The following COG5 variants were observed in gnomAD, a reference collection of about 807,000 sequenced individuals.
COG5 encodes the protein component of oligomeric golgi complex 5.
COG5 carries 86 observed loss-of-function variants against 110.4 expected under a neutral mutation model. The observed-to-expected ratio is 0.78, with a 90% confidence interval of 0.65 to 0.93. COG5 has a LOEUF of 0.93. Among genes scored for constraint, COG5 ranks in the 40% least tolerant of loss-of-function variants. The pLI, the probability that COG5 is intolerant of heterozygous loss-of-function variation, is 0.00. For synonymous variants in COG5, 360 were observed against 334.6 expected (o/e 1.08, Z -0.83); for missense variants, 1,077 against 987.0 (o/e 1.09, Z -1.22).
chr7:107,294,655 T>C (rs892115932), intron 12 of COG5, among the ~76,000 whole-genome samples: 1 of 151,520 alleles, frequency 6.6e-6, no homozygotes, highest in Non-Finnish European at 1.5e-5. Flanking sequence ...TCATTCACTA[T>C]GTTCCAGCTG....
Position 107,446,315 on chromosome 7 carries a change from G to A in COG5, c.539-33683C>T, listed in dbSNP as rs1227596584. On this transcript the variant is annotated intron_variant, in intron 6 of 21. Coordinates refer to ENST00000297135, the MANE Select transcript of COG5 (RefSeq NM_006348.5). ...TTTCAATTTTGAATGAATAACTGGA[G>A]TTTTAGAGAGGCTAAATAACTTGCT... Among the ~76,000 whole-genome samples, 4 of 152,282 alleles carry A rather than the reference G, an allele frequency of 2.6e-5. No homozygotes were observed. In the East Asian group the frequency reaches 5.8e-4, roughly 22 times the overall value.
At chr7:107,217,164 T>C (rs528052830) in intron 19 of COG5, among the ~76,000 whole-genome samples, 2 of 151,986 alleles carry the variant, frequency 1.3e-5, no homozygotes, top group South Asian at 4.2e-4. Flanking sequence ...CTACTAACAC[T>C]GAATCAAGAA....
chr7:107,220,038 G>A (rs1357715219), intron 19 of COG5, among the ~76,000 whole-genome samples: 1 of 152,156 alleles, frequency 6.6e-6, no homozygotes, highest in African/African-American at 2.4e-5. Context: ...GAGGCATAGA[G>A]AAATCCAGTA....
chr7:107,362,040 A>G lies in COG5; in HGVS notation c.1019T>C (p.Ile340Thr). The G allele has an allele frequency of 6.3e-7, 1 of 1,596,908 alleles. No individual in the cohort carries two copies. Among genetic ancestry groups the G allele is most frequent in the Non-Finnish European group, 8.6e-7 (1 of 1,165,900 alleles). Residue 340 changes from isoleucine (I) to threonine (T), a missense_variant, in exon 10 of 22, where the codon ATA (isoleucine) becomes ACA (threonine). Coordinates refer to ENST00000297135, the MANE Select transcript of COG5 (RefSeq NM_006348.5). ...PVSHICFIEE[I>T]VKDGQPEIFY... Reference sequence around the variant, plus strand: ...ATTTTCCTTTAAACATACCTTAACTATTTCTTCAATGAAACAAATGTGAGA... The same window carrying G: ...ATTTTCCTTTAAACATACCTTAACTGTTTCTTCAATGAAACAAATGTGAGA...
intron 6 of COG5, among the ~76,000 whole-genome samples, chr7:107,431,875 A>G (rs940740241): frequency 6.6e-6 from 1 of 152,066 alleles, no homozygotes; most frequent in African/African-American, 2.4e-5. Flanking sequence ...AGGCTGGTCT[A>G]GAACTCCTGA....
intron 6 of COG5, chr7:107,472,348 T>C (rs906473065): frequency 2.0e-5 from 3 of 152,026 alleles, no homozygotes; most frequent in Non-Finnish European, 4.4e-5. Flanking sequence ...TGTATCAATT[T>C]GCCAAAAACT....
chr7:107,400,695 A>C (rs1228039137), intron 7 of COG5, among the ~76,000 whole-genome samples: 2 of 152,178 alleles, frequency 1.3e-5, no homozygotes, highest in African/African-American at 4.8e-5. Context: ...AAATACCCTA[A>C]GTCTAAAAGC....
intron 6 of COG5, among the ~76,000 whole-genome samples, chr7:107,514,363 C>CACACAG (rs1799769494): frequency 7.2e-6 from 1 of 138,482 alleles, no homozygotes; most frequent in South Asian, 2.2e-4. Flanking sequence ...CACACACACA[C>CACACAG]ACACACATAT....
chr7:107,215,723 CTTCT>C (rs1799479464), intron 19 of COG5, among the ~76,000 whole-genome samples: 1 of 143,112 alleles, frequency 7.0e-6, no homozygotes, highest in Non-Finnish European at 1.6e-5. Flanking sequence ...AGTCAACTCA[CTTCT>C]TTTTTTTTTT....
intron 19 of COG5, among the ~76,000 whole-genome samples, chr7:107,225,330 G>C (rs1461128162): frequency 6.6e-6 from 1 of 151,278 alleles, no homozygotes; most frequent in African/African-American, 2.4e-5. Flanking sequence ...TTTTCAAATG[G>C]GAAAAACAAT....
intron 10 of COG5, among the ~76,000 whole-genome samples, chr7:107,335,273 C>T (rs978899437): frequency 4.6e-5 from 7 of 152,148 alleles, no homozygotes; most frequent in African/African-American, 1.7e-4. Flanking sequence ...ACCTGTAATC[C>T]CAGCTACTCA....
intron 13 of COG5, among the ~76,000 whole-genome samples, chr7:107,282,713 C>G (rs3779498): frequency 0.16 from 24,386 of 151,776 alleles, 2,353 homozygotes; most frequent in Non-Finnish European, 0.22. Context: ...GTAGAGATGG[C>G]GTTTCACCAG....
intron 8 of COG5, among the ~76,000 whole-genome samples, chr7:107,368,516 A>T (rs1383820510): frequency 7.9e-5 from 12 of 152,172 alleles, no homozygotes; most frequent in Non-Finnish European, 1.0e-4. Context: ...TTAGCCTAGG[A>T]AGTGTTCACC....
intron 6 of COG5, among the ~76,000 whole-genome samples, chr7:107,457,316 G>C (rs73417453): frequency 0.028 from 3,793 of 136,896 alleles, 173 homozygotes; most frequent in African/African-American, 0.096. Context: ...GATGAAACAG[G>C]AACCAGAGCA....
intron 7 of COG5, among the ~76,000 whole-genome samples, chr7:107,387,623 G>A (rs1041950214): frequency 4.6e-5 from 7 of 152,196 alleles, no homozygotes; most frequent in African/African-American, 1.4e-4. Flanking sequence ...AGTAACCTCT[G>A]AAGGGAAATT....
At chr7:107,304,436 C>T (rs998973644) in intron 11 of COG5, among the ~76,000 whole-genome samples, 2 of 152,094 alleles carry the variant, frequency 1.3e-5, no homozygotes, top group African/African-American at 4.8e-5. Flanking sequence ...GTTTCTTTTA[C>T]CTAGATTTAA....
intron 10 of COG5, among the ~76,000 whole-genome samples, chr7:107,349,018 T>C (rs943384293): frequency 1.3e-5 from 2 of 152,180 alleles, no homozygotes; most frequent in Non-Finnish European, 2.9e-5. Context: ...TGTACCAACA[T>C]GCCTGGCTCT....
chr7:107,413,942 T>A (rs1482220763), intron 6 of COG5, among the ~76,000 whole-genome samples: 5 of 152,214 alleles, frequency 3.3e-5, no homozygotes, highest in Non-Finnish European at 7.3e-5. Context: ...ACTTGGCTAG[T>A]AACCGGTAAA....
intron 6 of COG5, among the ~76,000 whole-genome samples, chr7:107,506,748 C>T (rs1018239296): frequency 5.9e-5 from 9 of 152,130 alleles, no homozygotes; most frequent in Non-Finnish European, 1.2e-4. Context: ...TTTCAGGCCA[C>T]GCCCCTCCCA....
Sources: gnomAD v4.1 joint callset for allele counts (sites outside exome capture counted in the v4.1 genomes callset) on GRCh38, gnomAD v4.1.1 for gene constraint, MANE v1.5 for transcripts, NCBI Gene and HGNC (gene_info 2026-07-23, HGNC 2026-07-21) for gene names.